Variants in OXR1 observed in about 807,000 individuals in gnomAD.
OXR1 encodes the protein oxidation resistance protein 1.
A neutral mutation model predicts 104.6 loss-of-function variants in OXR1; 41 were observed. That is an observed-to-expected ratio of 0.39 (90% CI 0.31 to 0.51). OXR1 has a LOEUF of 0.51. OXR1 is among the 20% of genes least tolerant of loss of function. The probability of loss-of-function intolerance (pLI) is 0.77; values close to 1 mark genes in which losing one functional copy is unlikely to be tolerated. For synonymous variants in OXR1, 348 were observed against 348.4 expected (o/e 1.00, Z 0.01); for missense variants, 955 against 1,031.9 (o/e 0.93, Z 1.02).
At chr8:106,615,875 C>T (rs192091888) in intron 3 of OXR1, among the ~76,000 whole-genome samples, 16 of 152,128 alleles carry the variant, frequency 1.1e-4, no homozygotes, top group Admixed American at 9.8e-4. Context: ...TGAGAATATT[C>T]GTTGAAGCAC....
chr8:106,614,470 G>A (rs1260267689), intron 3 of OXR1, among the ~76,000 whole-genome samples: 1 of 152,198 alleles, frequency 6.6e-6, no homozygotes, highest in African/African-American at 2.4e-5. Context: ...AGATGTAGAA[G>A]CAAGAGCATT....
At chr8:106,273,794 AAAAC>A (rs1330322677) in intron 1 of OXR1, among the ~76,000 whole-genome samples, 27 of 152,310 alleles carry the variant, frequency 1.8e-4, no homozygotes, top group South Asian at 8.3e-4. Flanking sequence ...CAGCCTTTAA[AAAAC>A]AAACAAACAA....
chr8:106,454,033 A>T (rs1820468652), intron 2 of OXR1, among the ~76,000 whole-genome samples: 1 of 152,182 alleles, frequency 6.6e-6, no homozygotes, highest in South Asian at 2.1e-4. Flanking sequence ...ATTATATGTC[A>T]CTCTAATGCA....
At chr8:106,732,327 T>C (rs930681527) in intron 11 of OXR1, among the ~76,000 whole-genome samples, 10 of 152,176 alleles carry the variant, frequency 6.6e-5, no homozygotes, top group African/African-American at 2.4e-4. Flanking sequence ...AAGACAGTTT[T>C]ATCTCTTTCT....
At chr8:106,647,477 T>C (rs1294699851) in intron 3 of OXR1, among the ~76,000 whole-genome samples, 1 of 152,176 alleles carries the variant, frequency 6.6e-6, no homozygotes, top group Admixed American at 6.5e-5. Flanking sequence ...ACCATTTTAG[T>C]GGCAAAAAAC....
intron 3 of OXR1, among the ~76,000 whole-genome samples, chr8:106,541,112 T>A (rs1047900477): frequency 1.3e-5 from 2 of 152,230 alleles, no homozygotes; most frequent in Non-Finnish European, 2.9e-5. Context: ...TCTATATCAC[T>A]ATGTTGTTTC....
At chr8:106,277,660 T>C (rs1375059387) in intron 1 of OXR1, among the ~76,000 whole-genome samples, 1 of 152,212 alleles carries the variant, frequency 6.6e-6, no homozygotes, top group African/African-American at 2.4e-5. Flanking sequence ...GCAGTTTCCA[T>C]TGCAATTTCT....
chr8:106,454,857 T>C (rs1481126846), intron 2 of OXR1, among the ~76,000 whole-genome samples: 1 of 152,176 alleles, frequency 6.6e-6, no homozygotes, highest in African/African-American at 2.4e-5. Context: ...GTAATTGCCA[T>C]CTTCAAGCCT....
intron 1 of OXR1, among the ~76,000 whole-genome samples, chr8:106,358,963 C>T (rs555776684): frequency 9.4e-4 from 141 of 150,328 alleles, no homozygotes; most frequent in African/African-American, 2.0e-3. Context: ...TCTTATTTAG[C>T]GAATAATTTA....
At chr8:106,322,002 A>G (rs1344800595) in intron 1 of OXR1, among the ~76,000 whole-genome samples, 1 of 152,228 alleles carries the variant, frequency 6.6e-6, no homozygotes, top group Non-Finnish European at 1.5e-5. Context: ...AGAAAATAGT[A>G]TATGATGCAG....
chr8:106,412,745 A>T (rs1818508904), intron 2 of OXR1, among the ~76,000 whole-genome samples: 1 of 152,076 alleles, frequency 6.6e-6, no homozygotes, highest in Non-Finnish European at 1.5e-5. Flanking sequence ...ATTTGGGATA[A>T]CTTTTCTCTT....
chr8:106,602,691 A>ATATG lies in OXR1; in HGVS notation c.221-76514_221-76511dup, dbSNP rs1820063917. Among the ~76,000 whole-genome samples, 4 of 152,324 alleles carry ATATG rather than the reference A, an allele frequency of 2.6e-5. No homozygotes were observed. In the South Asian group the frequency reaches 8.3e-4, roughly 32 times the overall value. ...TATGTATGTGTATATATACATGTAT[A>ATATG]TATGTATGCATGTTGTATTACATAT... On this transcript the variant is annotated intron_variant, in intron 3 of 16. Coordinates refer to ENST00000517566, the MANE Select transcript of OXR1 (RefSeq NM_001198533.2).
chr8:106,733,560 A>G (rs1015079511), intron 11 of OXR1, among the ~76,000 whole-genome samples: 2 of 152,094 alleles, frequency 1.3e-5, no homozygotes, highest in Non-Finnish European at 2.9e-5. Flanking sequence ...ATACTTTTTT[A>G]AAAAACTTTT....
At chr8:106,508,484 AG>A (rs35212553) in intron 2 of OXR1, among the ~76,000 whole-genome samples, 75,948 of 151,524 alleles carry the variant, frequency 0.5, 21,238 homozygotes, top group Non-Finnish European at 0.63. Flanking sequence ...TCTCAAACTG[AG>A]GAAGAGGATG....
rs574213006 is a variant in OXR1 at position 106,400,761 on chromosome 8, TA to T, written c.23+41126del. Among the ~76,000 whole-genome samples, 232 of 152,324 alleles carry T rather than the reference TA, an allele frequency of 1.5e-3. 7 individuals carry two copies. Among genetic ancestry groups the T allele is most frequent in the Admixed American group, 0.014 (217 of 15,282 alleles). ...ATGAGATTTCATTCTGAATCACACT[TA>T]GAGACAGAGTATCTAATTGCAATCT... On this transcript the variant is annotated intron_variant, in intron 2 of 16. Coordinates refer to ENST00000517566, the MANE Select transcript of OXR1 (RefSeq NM_001198533.2).
At chr8:106,546,263 T>C (rs573766658) in intron 3 of OXR1, among the ~76,000 whole-genome samples, 27 of 152,326 alleles carry the variant, frequency 1.8e-4, no homozygotes, top group Admixed American at 1.8e-3. Context: ...GGGATATGCT[T>C]AGCTTTCATC....
chr8:106,657,862 T>A (rs28921372), intron 3 of OXR1: 3 of 1,241,432 alleles, frequency 2.4e-6, no homozygotes, highest in African/African-American at 1.6e-5. Context: ...CCGCCTCTTG[T>A]GAGGCGCGCG....
chr8:106,578,920 G>C (rs1260883059), intron 3 of OXR1, among the ~76,000 whole-genome samples: 1 of 149,570 alleles, frequency 6.7e-6, no homozygotes, highest in Non-Finnish European at 1.5e-5. Context: ...TTCCCAGCCT[G>C]TTCCAACCAC....
intron 2 of OXR1, among the ~76,000 whole-genome samples, chr8:106,379,541 T>TC (rs967896982): frequency 7.2e-6 from 1 of 138,134 alleles, no homozygotes; most frequent in African/African-American, 2.9e-5. Context: ...TTCTTTCTTT[T>TC]TTTTTTTTTT....
Sources: gnomAD v4.1 joint callset for allele counts (sites outside exome capture counted in the v4.1 genomes callset) on GRCh38, gnomAD v4.1.1 for gene constraint, MANE v1.5 for transcripts, NCBI Gene and HGNC (gene_info 2026-07-23, HGNC 2026-07-21) for gene names.